Variants in LCORL observed in about 807,000 individuals in gnomAD.
LCORL encodes the protein ligand dependent nuclear receptor corepressor like, also known as ligand-dependent nuclear receptor corepressor-like protein.
Under a neutral mutation model 141.8 loss-of-function variants are expected in LCORL, and 41 were observed. That is an observed-to-expected ratio of 0.29 (90% CI 0.23 to 0.38). The LOEUF is 0.38. Ranked by LOEUF, LCORL falls within the 10% of genes least tolerant of loss-of-function variation. The probability of loss-of-function intolerance (pLI) is 1.00; values close to 1 mark genes in which losing one functional copy is unlikely to be tolerated. For missense variants in LCORL, 1,759 were observed against 2,035.0 expected, an observed-to-expected ratio of 0.86 and a Z score of 2.61; for synonymous variants, 618 against 694.1, an observed-to-expected ratio of 0.89 and a Z score of 1.72.
intron 5 of LCORL, among the ~76,000 whole-genome samples, chr4:17,901,350 C>T (rs1024781142): frequency 2.0e-5 from 3 of 149,784 alleles, no homozygotes; most frequent in South Asian, 2.1e-4. Context: ...CTAGAGAAAA[C>T]GTCTTTTAAG....
In LCORL at chr4:17,971,455, CA is replaced by C. The variant is rs555817716; in HGVS notation, c.220+1364del. Among the ~76,000 whole-genome samples, 292 of 143,494 alleles carry C rather than the reference CA, an allele frequency of 2.0e-3. 1 individual carries two copies. Among genetic ancestry groups the C allele is most frequent in the Middle Eastern group, 0.015 (4 of 262 alleles). 94.1% of individuals were successfully genotyped at this position (143,494 alleles called of 152,430 possible). Reference sequence around the variant, plus strand: ...TAGCCCCTTTTTAAATACATAATAGCAAAAAAAAAACACTAGAAACAGCTTT... The same window carrying C: ...TAGCCCCTTTTTAAATACATAATAGCAAAAAAAAACACTAGAAACAGCTTT... On this transcript the variant is annotated intron_variant, in intron 2 of 7. Transcript: ENST00000635767.
intron 4 of LCORL, among the ~76,000 whole-genome samples, chr4:17,932,638 C>G (rs765313371): frequency 7.9e-5 from 12 of 152,260 alleles, no homozygotes; most frequent in African/African-American, 2.6e-4. Flanking sequence ...CCATAGAGTA[C>G]GAGGCTGAGC....
At chr4:17,990,057 C>T (rs186430183) in intron 1 of LCORL, among the ~76,000 whole-genome samples, 8 of 150,830 alleles carry the variant, frequency 5.3e-5, no homozygotes, top group Admixed American at 4.6e-4. Context: ...TCTCCCACTT[C>T]GTCTTCTACC....
At chr4:17,871,493 C>CA in intron 7 of LCORL, among the ~76,000 whole-genome samples, 1 of 151,778 alleles carries the variant, frequency 6.6e-6, no homozygotes, top group Non-Finnish European at 1.5e-5. Context: ...TAAATAATCA[C>CA]ATTAAAATAA....
At chr4:17,861,492 T>G (rs999849505) in intron 7 of LCORL, among the ~76,000 whole-genome samples, 1 of 152,214 alleles carries the variant, frequency 6.6e-6, no homozygotes, top group Admixed American at 6.5e-5. Context: ...CACTTTCTCC[T>G]AGGCCTCTGG....
intron 1 of LCORL, among the ~76,000 whole-genome samples, chr4:18,014,282 T>C (rs968262235): frequency 3.9e-5 from 6 of 152,132 alleles, no homozygotes; most frequent in Admixed American, 2.6e-4. Context: ...ACCAACTAGA[T>C]AAACATGGCT....
intron 1 of LCORL, among the ~76,000 whole-genome samples, chr4:18,005,196 G>A (rs972113254): frequency 1.3e-5 from 2 of 152,140 alleles, no homozygotes; most frequent in African/African-American, 4.8e-5. Context: ...TGGGGTTACA[G>A]GCATGAGCCA....
chr4:17,863,662 A>C (rs1725272305), intron 7 of LCORL, among the ~76,000 whole-genome samples: 1 of 152,254 alleles, frequency 6.6e-6, no homozygotes, highest in African/African-American at 2.4e-5. Context: ...TCAAAGAAAT[A>C]TAAATGATTC....
chr4:17,923,859 G>C (rs534023960), intron 4 of LCORL, among the ~76,000 whole-genome samples: 1 of 152,218 alleles, frequency 6.6e-6, no homozygotes, highest in South Asian at 2.1e-4. Flanking sequence ...TACAAGGGCA[G>C]CACTGCGTCT....
chr4:17,958,404 C>T (rs1463796289), intron 4 of LCORL, among the ~76,000 whole-genome samples: 3 of 151,926 alleles, frequency 2.0e-5, no homozygotes, highest in African/African-American at 7.2e-5. Context: ...TCCAGTCCAG[C>T]AGCCTTCAAT....
At chr4:17,881,890 G>A (rs893602517) in intron 6 of LCORL, 110 of 982,810 alleles carry the variant, frequency 1.1e-4, no homozygotes, top group Admixed American at 5.0e-4. Flanking sequence ...GCAAGTTCTG[G>A]CCCTCACAAA....
chr4:17,921,716 G>A (rs1465052888), intron 4 of LCORL, among the ~76,000 whole-genome samples: 1 of 152,130 alleles, frequency 6.6e-6, no homozygotes, highest in Admixed American at 6.5e-5. Flanking sequence ...GGTTGTGTCT[G>A]GGAGGGTGTT....
At chr4:17,924,320 G>C (rs977872859) in intron 4 of LCORL, among the ~76,000 whole-genome samples, 1 of 152,118 alleles carries the variant, frequency 6.6e-6, no homozygotes, top group Non-Finnish European at 1.5e-5. Flanking sequence ...TCGCCCAATG[G>C]GCCCACGAAC....
At chr4:17,979,919 A>T (rs1008696151) in intron 1 of LCORL, among the ~76,000 whole-genome samples, 1 of 152,164 alleles carries the variant, frequency 6.6e-6, no homozygotes, top group African/African-American at 2.4e-5. Context: ...AGAAAAAGAG[A>T]GATGAAATTG....
chr4:17,872,097 C>T (rs1259761565), intron 7 of LCORL, among the ~76,000 whole-genome samples: 1 of 151,512 alleles, frequency 6.6e-6, no homozygotes, highest in African/African-American at 2.4e-5. Context: ...CCAATACTTC[C>T]CCAACCCCCC....
chr4:17,865,758 C>T (rs376340963), intron 7 of LCORL, among the ~76,000 whole-genome samples: 1 of 152,112 alleles, frequency 6.6e-6, no homozygotes, highest in Non-Finnish European at 1.5e-5. Context: ...TGGGCCCCAC[C>T]CCATACTCAA....
At chr4:17,989,082 CAGCTTTAAT>C (rs1214027185) in intron 1 of LCORL, among the ~76,000 whole-genome samples, 11 of 152,124 alleles carry the variant, frequency 7.2e-5, no homozygotes, top group Admixed American at 2.0e-4. Flanking sequence ...AACTATCCAC[CAGCTTTAAT>C]AGTATATCTA....
At chr4:17,883,673 A>AACAC (rs139656197) in intron 6 of LCORL, 27,978 of 1,300,486 alleles carry the variant, frequency 0.022, 909 homozygotes, top group African/African-American at 0.19. Context: ...CACACACGCA[A>AACAC]ACACACACAC....
At chr4:17,938,344 T>A (rs529849665) in intron 4 of LCORL, among the ~76,000 whole-genome samples, 2 of 152,088 alleles carry the variant, frequency 1.3e-5, no homozygotes, top group Admixed American at 1.3e-4. Flanking sequence ...CTTACCTTGA[T>A]GTTACAAATT....
Sources: gnomAD v4.1 joint callset for allele counts (sites outside exome capture counted in the v4.1 genomes callset) on GRCh38, gnomAD v4.1.1 for gene constraint, MANE v1.5 for transcripts, NCBI Gene and HGNC (gene_info 2026-07-23, HGNC 2026-07-21) for gene names.